FBXW11: variants seen among roughly 807,000 people sequenced by gnomAD.
FBXW11 encodes the protein F-box/WD repeat-containing protein 11.
FBXW11 carries 19 observed loss-of-function variants against 77.6 expected under a neutral mutation model. The observed-to-expected ratio is 0.24, with a 90% CI of 0.17 to 0.36. The LOEUF is 0.36. Ranked by LOEUF, FBXW11 falls within the 10% of genes least tolerant of loss-of-function variation. The pLI is 1.00. For missense variants in FBXW11, 334 were observed against 704.2 expected, an observed-to-expected ratio of 0.47 and a Z score of 5.95; for synonymous variants, 235 against 249.4, an observed-to-expected ratio of 0.94 and a Z score of 0.54.
At chr5:171,879,022 C>G (rs907567961) in intron 7 of FBXW11, among the ~76,000 whole-genome samples, 2 of 151,942 alleles carry the variant, frequency 1.3e-5, no homozygotes, top group Admixed American at 6.6e-5. Flanking sequence ...TTTTAAAAAT[C>G]AGAACAAAAA....
At chr5:171,908,687 C>T (rs554863063) in intron 4 of FBXW11, 44 of 152,252 alleles carry the variant, frequency 2.9e-4, no homozygotes, top group African/African-American at 1.0e-3. Flanking sequence ...CTTAAAACTC[C>T]CATTGTAGAA....
intron 2 of FBXW11, among the ~76,000 whole-genome samples, chr5:171,918,415 A>G (rs1183856326): frequency 6.6e-6 from 1 of 152,196 alleles, no homozygotes; most frequent in Non-Finnish European, 1.5e-5. Context: ...GTAAGAAAAA[A>G]CAATGAGCTT....
intron 11 of FBXW11, 136 bp downstream of exon 11, chr5:171,870,612 A>G (rs1351470147): frequency 6.5e-6 from 4 of 613,802 alleles, no homozygotes; most frequent in Non-Finnish European, 8.6e-6. Context: ...AACAACAGGT[A>G]TAATAATACC....
intron 1 of FBXW11, among the ~76,000 whole-genome samples, chr5:171,972,608 G>A (rs989323230): frequency 6.7e-6 from 1 of 148,468 alleles, no homozygotes; most frequent in Non-Finnish European, 1.5e-5. Flanking sequence ...GCAATGACGC[G>A]ATCTTGGCTC....
intron 2 of FBXW11, among the ~76,000 whole-genome samples, chr5:171,940,124 G>A (rs1331519161): frequency 6.6e-6 from 1 of 152,182 alleles, no homozygotes; most frequent in Non-Finnish European, 1.5e-5. Context: ...AGGGCCCACT[G>A]TAATTCTAAA....
At chr5:171,948,234 CAA>C (rs765248373) in intron 2 of FBXW11, among the ~76,000 whole-genome samples, 12 of 44,334 alleles carry the variant, frequency 2.7e-4, no homozygotes, top group African/African-American at 6.8e-4. Flanking sequence ...GACTCCAACT[CAA>C]AAAAAAAAAA....
At chr5:171,971,981 C>T (rs1764557361) in intron 1 of FBXW11, among the ~76,000 whole-genome samples, 1 of 151,170 alleles carries the variant, frequency 6.6e-6, no homozygotes, top group South Asian at 2.1e-4. Context: ...CCTGTAATCC[C>T]AGAATTTTGG....
At chr5:171,958,247 G>A (rs1354321076) in intron 1 of FBXW11, among the ~76,000 whole-genome samples, 1 of 152,118 alleles carries the variant, frequency 6.6e-6, no homozygotes, top group African/African-American at 2.4e-5. Context: ...TCAAACTTTG[G>A]TTTGTCTGCT....
intron 2 of FBXW11, among the ~76,000 whole-genome samples, chr5:171,941,709 G>C (rs572534149): frequency 4.6e-5 from 7 of 151,588 alleles, no homozygotes; most frequent in Non-Finnish European, 7.4e-5. Context: ...GCTTGAGACT[G>C]TCTCAAAATA....
chr5:171,882,990 T>G (rs1341552225), intron 7 of FBXW11, among the ~76,000 whole-genome samples: 1 of 151,884 alleles, frequency 6.6e-6, no homozygotes, highest in Non-Finnish European at 1.5e-5. Context: ...CTTATGCATT[T>G]GCGTCCTCAT....
chr5:171,994,881 T>C (rs1214444796), intron 1 of FBXW11, among the ~76,000 whole-genome samples: 2 of 151,960 alleles, frequency 1.3e-5, no homozygotes, highest in African/African-American at 4.8e-5. Flanking sequence ...CTACTAAAAA[T>C]ACAAAAATTA....
At chr5:171,886,485 A>G (rs916709001) in intron 7 of FBXW11, among the ~76,000 whole-genome samples, 5 of 152,130 alleles carry the variant, frequency 3.3e-5, no homozygotes, top group African/African-American at 1.2e-4. Flanking sequence ...CGAAGAGTTA[A>G]TGGGTGCAGC....
rs397999920 is a variant in FBXW11 at position 171,893,421 on chromosome 5, CAAAAAA to C, written c.715-1823_715-1818del. Among the ~76,000 whole-genome samples the C allele has an allele frequency of 1.6e-3, 65 of 39,846 alleles. 1 individual carries two copies. Among genetic ancestry groups the C allele is most frequent in the East Asian group, 0.013 (11 of 836 alleles). The allele number at this position is 39,846 out of a possible 152,430, so 26.1% of individuals were successfully genotyped here. ...GACATACAAAAGCACACTTCAAAAC[CAAAAAA>C]AAAAAAAAAAAAAAAAAAAACTAAC... On this transcript the variant is annotated intron_variant, in intron 6 of 13. Transcript: ENST00000517395.
At chr5:171,914,739 C>T (rs1165299935) in intron 2 of FBXW11, among the ~76,000 whole-genome samples, 4 of 152,108 alleles carry the variant, frequency 2.6e-5, no homozygotes, top group African/African-American at 4.8e-5. Context: ...TCCAAAGACC[C>T]ATGAGGTTTC....
intron 11 of FBXW11, among the ~76,000 whole-genome samples, chr5:171,870,389 AC>A (rs1554093452): frequency 9.3e-3 from 6 of 646 alleles, no homozygotes; most frequent in Admixed American, 0.044. Flanking sequence ...TGTTGAACGA[AC>A]ACACACACAC....
chr5:171,979,947 TAGAACTTTTTAAAAGAGGCAA>T (rs1188819487), intron 1 of FBXW11, among the ~76,000 whole-genome samples: 2 of 152,176 alleles, frequency 1.3e-5, no homozygotes, highest in African/African-American at 4.8e-5. Context: ...GCTAGCAACT[TAGAACTTTTTAAAAGAGGCAA>T]AGGCAGAGGA....
intron 2 of FBXW11, among the ~76,000 whole-genome samples, chr5:171,946,947 T>A (rs1025180760): frequency 1.4e-4 from 21 of 151,210 alleles, no homozygotes; most frequent in African/African-American, 4.9e-4. Context: ...CCCAAGTAGA[T>A]GGGATTGCAG....
rs982270902 is a variant in FBXW11 at position 171,999,400 on chromosome 5, A to AAT, written c.45+7056_45+7057dup. Among the ~76,000 whole-genome samples the AAT allele has an allele frequency of 1.8e-4, 25 of 141,530 alleles. No individual in the cohort carries two copies. In the East Asian group the frequency reaches 3.1e-3, roughly 18 times the overall value. The allele number at this position is 141,530 out of a possible 152,430, so 92.8% of individuals were successfully genotyped here. A position where few individuals can be genotyped will look rare whatever the true frequency, so the allele number is the denominator to read the frequency against. On this transcript the variant is annotated intron_variant, in intron 1 of 13. Coordinates refer to ENST00000517395, the MANE Select transcript of FBXW11 (RefSeq NM_001378974.1). ...TTCTCCCTTCCCTTCAAAAAAAAAA[A>AAT]ATATATATATATATACACACACATA...
intron 7 of FBXW11, among the ~76,000 whole-genome samples, chr5:171,889,670 T>G (rs1333707973): frequency 6.6e-6 from 1 of 151,644 alleles, no homozygotes; most frequent in African/African-American, 2.4e-5. Flanking sequence ...GTGGATCACC[T>G]AAAGTCGGGA....
Sources: allele counts gnomAD v4.1 joint callset (sites outside exome capture counted in the v4.1 genomes callset), GRCh38; gene constraint gnomAD v4.1.1; transcripts MANE v1.5; gene names NCBI Gene and HGNC (gene_info 2026-07-23, HGNC 2026-07-21).